The following SLC9A9 variants were observed in gnomAD, a reference collection of about 807,000 sequenced individuals.
SLC9A9 encodes the protein solute carrier family 9 member A9, also known as sodium/hydrogen exchanger 9.
In SLC9A9, 62 loss-of-function variants were observed where a neutral mutation model predicts 77.8. The observed-to-expected ratio is 0.80, with a 90% CI of 0.65 to 0.98. SLC9A9 has a LOEUF of 0.98. Among genes scored for constraint, SLC9A9 ranks in the 50% least tolerant of loss-of-function variants. The pLI is 0.00. For missense variants in SLC9A9, 775 were observed against 774.9 expected (o/e 1.00, Z 0.00); for synonymous variants, 320 against 283.5 (o/e 1.13, Z -1.29).
intron 5 of SLC9A9, among the ~76,000 whole-genome samples, chr3:143,667,120 G>A (rs1285761997): frequency 2.0e-5 from 3 of 152,180 alleles, no homozygotes; most frequent in Admixed American, 6.5e-5. Flanking sequence ...CATGGTACTG[G>A]TACCAAAACA....
At chr3:143,719,648 C>T (rs1934444632) in intron 4 of SLC9A9, among the ~76,000 whole-genome samples, 1 of 152,122 alleles carries the variant, frequency 6.6e-6, no homozygotes, top group Non-Finnish European at 1.5e-5. Flanking sequence ...AGGTCAGTGC[C>T]AGGCATGTAA....
intron 11 of SLC9A9, among the ~76,000 whole-genome samples, chr3:143,484,907 G>C (rs2035632706): frequency 6.6e-6 from 1 of 152,098 alleles, no homozygotes; most frequent in Non-Finnish European, 1.5e-5. Context: ...TGGTAGAGTA[G>C]GAAGTACCAG....
intron 11 of SLC9A9, among the ~76,000 whole-genome samples, chr3:143,485,229 G>A (rs1250640855): frequency 1.3e-5 from 2 of 152,108 alleles, no homozygotes; most frequent in African/African-American, 4.8e-5. Flanking sequence ...ACTGATGCTG[G>A]TTCTGATCAA....
intron 12 of SLC9A9, among the ~76,000 whole-genome samples, chr3:143,404,101 C>T (rs1214279046): frequency 1.3e-5 from 2 of 151,500 alleles, no homozygotes; most frequent in Non-Finnish European, 2.9e-5. Context: ...ATAGTTGGGC[C>T]CTTTTAGGAA....
In SLC9A9 at chr3:143,815,546, TAAAAAAA is replaced by T. The variant is rs879891528; in HGVS notation, c.378+16466_378+16472del. ...TTGAATGAAGGGCTTTTTGCTATTT[TAAAAAAA>T]AAAAAAGGTTTAAAACCCTGACCTA... On this transcript the variant is annotated intron_variant, in intron 2 of 15. Transcript: ENST00000316549. Among the ~76,000 whole-genome samples, 44 of 151,226 alleles carry T rather than the reference TAAAAAAA, an allele frequency of 2.9e-4. 1 individual carries two copies. In the South Asian group the frequency reaches 7.3e-3, roughly 25 times the overall value.
intron 12 of SLC9A9, among the ~76,000 whole-genome samples, chr3:143,406,676 C>T (rs1258770364): frequency 6.6e-6 from 1 of 151,988 alleles, no homozygotes; most frequent in Non-Finnish European, 1.5e-5. Context: ...CCCAATGATG[C>T]TAAAAAAGAC....
intron 14 of SLC9A9, among the ~76,000 whole-genome samples, chr3:143,287,224 C>G (rs918767315): frequency 6.6e-6 from 1 of 152,168 alleles, no homozygotes; most frequent in East Asian, 1.9e-4. Flanking sequence ...GTAGCAAAAG[C>G]TGATAACATT....
At chr3:143,723,709 G>C (rs2108804368) in intron 4 of SLC9A9, among the ~76,000 whole-genome samples, 1 of 152,286 alleles carries the variant, frequency 6.6e-6, no homozygotes, top group Non-Finnish European at 1.5e-5. Context: ...ACTTGAAGGA[G>C]CATGGTCAGG....
At chr3:143,705,397 G>C (rs535229259) in intron 4 of SLC9A9, among the ~76,000 whole-genome samples, 2 of 151,894 alleles carry the variant, frequency 1.3e-5, no homozygotes, top group Non-Finnish European at 2.9e-5. Context: ...AACATAACAG[G>C]GTGACTACAG....
intron 6 of SLC9A9, among the ~76,000 whole-genome samples, chr3:143,635,674 G>C (rs2038508946): frequency 6.6e-6 from 1 of 152,094 alleles, no homozygotes; most frequent in Admixed American, 6.5e-5. Context: ...CTGTTTTGAG[G>C]GGTCAGACTA....
chr3:143,351,994 G>A (rs2032467101), intron 14 of SLC9A9, among the ~76,000 whole-genome samples: 1 of 152,228 alleles, frequency 6.6e-6, no homozygotes, highest in South Asian at 2.1e-4. Context: ...TTCTGAGCTT[G>A]TACTGCTAGA....
chr3:143,845,944 C>A (rs1428794578), intron 1 of SLC9A9, among the ~76,000 whole-genome samples: 1 of 152,126 alleles, frequency 6.6e-6, no homozygotes, highest in African/African-American at 2.4e-5. Flanking sequence ...CAACTTAATT[C>A]CACTCATAAA....
chr3:143,545,743 A>G (rs535379569), intron 9 of SLC9A9, among the ~76,000 whole-genome samples: 1 of 152,294 alleles, frequency 6.6e-6, no homozygotes, highest in South Asian at 2.1e-4. Context: ...TCCAGTATGA[A>G]CCAGGGACTT....
intron 5 of SLC9A9, among the ~76,000 whole-genome samples, chr3:143,691,225 A>AT (rs1024686215): frequency 6.6e-6 from 1 of 151,858 alleles, no homozygotes; most frequent in Non-Finnish European, 1.5e-5. Context: ...ACACAAGGCT[A>AT]TTTTTTTAAT....
intron 12 of SLC9A9, among the ~76,000 whole-genome samples, chr3:143,420,538 C>T (rs116297075): frequency 4.6e-4 from 70 of 152,216 alleles, no homozygotes; most frequent in Non-Finnish European, 6.3e-4. Context: ...CTGGGCTGTA[C>T]TGAAGAAGTG....
At chr3:143,484,314 G>A (rs1337962758) in intron 11 of SLC9A9, among the ~76,000 whole-genome samples, 2 of 152,186 alleles carry the variant, frequency 1.3e-5, no homozygotes, top group Non-Finnish European at 2.9e-5. Context: ...CAGACAGTGT[G>A]TTGTTTGATC....
rs535640059 is a variant in SLC9A9 at position 143,626,524 on chromosome 3, C to A, written c.755+25731G>T. On this transcript the variant is annotated intron_variant, in intron 6 of 15. Transcript: ENST00000316549. ...AGCAAACTATCGCAAGGACAAAAAA[C>A]CAAACACCGCATGTTCTCACTCATA... Among the ~76,000 whole-genome samples the A allele has an allele frequency of 5.3e-5, 8 of 151,984 alleles. No homozygotes were observed. The East Asian group carries it at 1.5e-3, about 29-fold the overall frequency.
At chr3:143,730,436 A>T (rs1042416006) in intron 4 of SLC9A9, among the ~76,000 whole-genome samples, 7 of 152,192 alleles carry the variant, frequency 4.6e-5, no homozygotes, top group African/African-American at 1.7e-4. Context: ...TCTGGGGATG[A>T]AGCAGTTGGG....
intron 14 of SLC9A9, among the ~76,000 whole-genome samples, chr3:143,324,266 G>T (rs563659440): frequency 6.6e-6 from 1 of 152,276 alleles, no homozygotes; most frequent in African/African-American, 2.4e-5. Context: ...GGTGAGCCTT[G>T]TCTAAGTCCA....
Sources: gnomAD v4.1 joint callset for allele counts (sites outside exome capture counted in the v4.1 genomes callset) on GRCh38, gnomAD v4.1.1 for gene constraint, MANE v1.5 for transcripts, NCBI Gene and HGNC (gene_info 2026-07-23, HGNC 2026-07-21) for gene names.